VWA8: variants seen among roughly 807,000 people sequenced by gnomAD.
The protein encoded by VWA8 is von Willebrand factor A domain-containing protein 8.
In VWA8, 221 loss-of-function variants were observed where a neutral mutation model predicts 241.5. That is an observed-to-expected ratio of 0.91 (90% CI 0.82 to 1.02). The LOEUF (loss-of-function observed/expected upper bound fraction) is 1.02. Ranked by LOEUF, VWA8 falls within the 50% of genes least tolerant of loss-of-function variation. The pLI is 0.00. For missense variants in VWA8, 2,322 were observed against 2,328.7 expected (o/e 1.00, Z 0.06); for synonymous variants, 852 against 827.1 (o/e 1.03, Z -0.52).
At chr13:41,791,559 T>C (rs1869464297) in intron 17 of VWA8, among the ~76,000 whole-genome samples, 2 of 151,918 alleles carry the variant, frequency 1.3e-5, no homozygotes, top group South Asian at 4.1e-4. Flanking sequence ...TTGTTGTCCA[T>C]ATTTTTATAT....
rs577448000 is a variant in VWA8, at chr13:41,854,361, G to T, written c.1425+11375C>A. On this transcript the variant is annotated intron_variant, in intron 12 of 44. Coordinates refer to ENST00000379310, the MANE Select transcript of VWA8 (RefSeq NM_015058.2). Reference sequence around the variant, plus strand: ...CCAAAGGAACACACAGAGAATATACGTGAAACAACATGAACATCTGCAACT... The same window carrying T: ...CCAAAGGAACACACAGAGAATATACTTGAAACAACATGAACATCTGCAACT... 9.9e-5 allele frequency among the ~76,000 whole-genome samples: 15 copies of T among 152,084 alleles called. No homozygotes were observed. The South Asian group carries it at 3.1e-3, about 32-fold the overall frequency.
At chr13:41,673,304 A>G (rs1163084996) in intron 36 of VWA8, among the ~76,000 whole-genome samples, 1 of 152,216 alleles carries the variant, frequency 6.6e-6, no homozygotes, top group East Asian at 1.9e-4. Context: ...TGTATTTTCT[A>G]TTATTTGAAA....
In VWA8 at chr13:41,938,349, T is replaced by C. The variant is rs1877444414; in HGVS notation, c.241+11587A>G. On this transcript the variant is annotated intron_variant, in intron 2 of 44. Coordinates refer to ENST00000379310, the MANE Select transcript of VWA8 (RefSeq NM_015058.2). ...TGATGAGCCTCTTCCTTTTAAGGACTCTATTCTTAAAAATACATCTAGGCC... is the reference window on the plus strand; with the variant it reads ...TGATGAGCCTCTTCCTTTTAAGGACCCTATTCTTAAAAATACATCTAGGCC... 2.0e-5 allele frequency among the ~76,000 whole-genome samples: 3 copies of C among 151,994 alleles called. No individual in the cohort carries two copies. The South Asian group carries it at 6.2e-4, about 32-fold the overall frequency.
chr13:41,675,461 CTCAGGGAAGCATAT>C (rs1191760841), intron 35 of VWA8, among the ~76,000 whole-genome samples, 165 bp from the exon 36 acceptor site: 1 of 152,192 alleles, frequency 6.6e-6, no homozygotes, highest in Admixed American at 6.5e-5. Context: ...ATATGCTTCC[CTCAGGGAAGCATAT>C]TGGGCTGTGA....
rs1411366387 is a variant in VWA8 at position 41,816,764 on chromosome 13, T to A, written c.1881A>T (p.Val627=). 5.6e-6 allele frequency: 9 copies of A among 1,613,010 alleles called. No individual in the cohort carries two copies. The highest frequency in any genetic ancestry group is 7.6e-6 in the Non-Finnish European group (9 of 1,179,540). The change falls in exon 16 of 45, where the codon GTA becomes GTT. Residue 627 remains valine (V), a synonymous_variant. Transcript: ENST00000379310. ...IQVIKEKVPN[V]PQEALDKLLS... ...ATAACTTATCCAGAGCTTCCTGAGG[T>A]ACATTTGGGACCTATTTTTTGAAAG...
chr13:41,896,111 T>C (rs1875095334), intron 4 of VWA8, among the ~76,000 whole-genome samples: 1 of 152,026 alleles, frequency 6.6e-6, no homozygotes, highest in African/African-American at 2.4e-5. Flanking sequence ...TATGCTAGTC[T>C]CTCTAGAAAT....
chr13:41,763,103 A>G (rs1418341432), intron 20 of VWA8, among the ~76,000 whole-genome samples: 1 of 151,936 alleles, frequency 6.6e-6, no homozygotes, highest in East Asian at 1.9e-4. Context: ...CCTCATCTCT[A>G]TAAAAACAAA....
At chr13:41,632,545 T>C (rs571487217) in intron 37 of VWA8, among the ~76,000 whole-genome samples, 2 of 152,328 alleles carry the variant, frequency 1.3e-5, no homozygotes, top group Admixed American at 1.3e-4. Context: ...TACAATGCTA[T>C]AGTCCCTCTG....
intron 14 of VWA8, among the ~76,000 whole-genome samples, chr13:41,822,491 A>G (rs1871003555): frequency 6.6e-6 from 1 of 152,170 alleles, no homozygotes; most frequent in Admixed American, 6.6e-5. Context: ...GGTCTAGTGT[A>G]ATACTTGGGG....
intron 17 of VWA8, among the ~76,000 whole-genome samples, chr13:41,796,787 T>C (rs943334560): frequency 5.6e-5 from 8 of 142,168 alleles, no homozygotes; most frequent in South Asian, 4.4e-4. Flanking sequence ...GTTTAAAACT[T>C]AAAAAAAAAA....
chr13:41,935,916 C>T (rs1169716964), intron 2 of VWA8, among the ~76,000 whole-genome samples: 1 of 151,986 alleles, frequency 6.6e-6, no homozygotes, highest in Non-Finnish European at 1.5e-5. Flanking sequence ...TGTGGGTATA[C>T]AATAATTTAT....
chr13:41,803,488 G>A (rs1232772290), intron 17 of VWA8, among the ~76,000 whole-genome samples: 2 of 152,190 alleles, frequency 1.3e-5, no homozygotes, highest in Admixed American at 6.5e-5. Flanking sequence ...CACAATCATG[G>A]CAGAAAGTGA....
chr13:41,624,376 G>A (rs2044675513), intron 37 of VWA8, among the ~76,000 whole-genome samples: 1 of 152,030 alleles, frequency 6.6e-6, no homozygotes, highest in Admixed American at 6.6e-5. Flanking sequence ...AATGAAAAAA[G>A]AAAACTCCAG....
intron 12 of VWA8, among the ~76,000 whole-genome samples, chr13:41,835,876 C>T (rs987565374): frequency 1.3e-5 from 2 of 152,076 alleles, no homozygotes; most frequent in Admixed American, 1.3e-4. Context: ...AGAGTTACAT[C>T]ACACATTACC....
chr13:41,677,019 T>C (rs2045065176), intron 35 of VWA8, among the ~76,000 whole-genome samples: 1 of 152,194 alleles, frequency 6.6e-6, no homozygotes, highest in Non-Finnish European at 1.5e-5. Context: ...AAATTATTTT[T>C]TCCAGAATTA....
At chr13:41,865,320 C>A (rs780476575) in intron 12 of VWA8, 2 of 391,002 alleles carry the variant, frequency 5.1e-6, no homozygotes, top group Non-Finnish European at 1.0e-5. Context: ...TATGCTGGAA[C>A]ATTTGAATTA....
At chr13:41,655,056 C>T (rs1277119621) in intron 37 of VWA8, among the ~76,000 whole-genome samples, 5 of 151,398 alleles carry the variant, frequency 3.3e-5, no homozygotes, top group African/African-American at 1.2e-4. Context: ...TTGTTGGTTA[C>T]GTTAGGAGAA....
rs1377541552 is a variant in VWA8, at chr13:41,581,223, C to T, written c.5272-5385G>A. Among the ~76,000 whole-genome samples, 2 of 78,928 alleles carry T rather than the reference C, an allele frequency of 2.5e-5. 1 individual carries two copies. Among genetic ancestry groups the T allele is most frequent in the African/African-American group, 2.4e-4 (2 of 8,284 alleles). 51.8% of individuals were successfully genotyped at this position (78,928 alleles called of 152,430 possible). A position where few individuals can be genotyped will look rare whatever the true frequency, so the allele number is the denominator to read the frequency against. On this transcript the variant is annotated intron_variant, in intron 42 of 44. Transcript: ENST00000379310. ...TTCACCGTGTTACCCAGGATGGTCT[C>T]GATCTCCTGACCTCGTGATCCGCCC...
At chr13:41,577,942 A>G (rs1593627150) in intron 42 of VWA8, among the ~76,000 whole-genome samples, 2 of 152,344 alleles carry the variant, frequency 1.3e-5, no homozygotes, top group African/African-American at 4.8e-5. Flanking sequence ...TACAGTTTTT[A>G]GCTGGTCTTT....
Sources: allele counts gnomAD v4.1 joint callset (sites outside exome capture counted in the v4.1 genomes callset), GRCh38; gene constraint gnomAD v4.1.1; transcripts MANE v1.5; gene names NCBI Gene and HGNC (gene_info 2026-07-23, HGNC 2026-07-21).